The following KLF12 variants were observed in gnomAD, a reference collection of about 807,000 sequenced individuals.
KLF12 encodes KLF transcription factor 12.
A neutral mutation model predicts 37.8 loss-of-function variants in KLF12; 9 were observed. That is an observed-to-expected ratio of 0.24 (90% confidence interval 0.14 to 0.42). The LOEUF (loss-of-function observed/expected upper bound fraction) is 0.42, where lower values mean the gene tolerates loss of function less well. Among genes scored for constraint, KLF12 ranks in the 10% least tolerant of loss-of-function variants. KLF12 has a pLI of 1.00. For synonymous variants in KLF12, 208 were observed against 202.1 expected (o/e 1.03, Z -0.25); for missense variants, 411 against 516.0 (o/e 0.80, Z 1.97).
chr13:74,170,538 C>G, the KLF12 span, among the ~76,000 whole-genome samples: 1 of 152,198 alleles, frequency 6.6e-6, no homozygotes, highest in Non-Finnish European at 1.5e-5. Context: ...CATTCCCTGG[C>G]TTCTAGGAAC....
chr13:74,275,803 TTTCCTTC>T, the KLF12 span, among the ~76,000 whole-genome samples: 5 of 86,324 alleles, frequency 5.8e-5, no homozygotes, highest in Admixed American at 5.9e-4. Context: ...TCTTTCTTTC[TTTCCTTC>T]TTTCTTTCTT....
intron 1 of KLF12, among the ~76,000 whole-genome samples, chr13:74,053,896 T>G (rs756049815): frequency 6.6e-6 from 1 of 152,182 alleles, no homozygotes; most frequent in Admixed American, 6.5e-5. Flanking sequence ...TAGAGACACA[T>G]AGTCATTAAA....
the KLF12 span, among the ~76,000 whole-genome samples, chr13:74,181,089 C>T: frequency 1.3e-5 from 2 of 152,130 alleles, no homozygotes; most frequent in Admixed American, 6.5e-5. Context: ...ACCTCCCTCT[C>T]CCAGGTTCAA....
intron 3 of KLF12, among the ~76,000 whole-genome samples, chr13:73,858,311 T>A (rs1381460685): frequency 2.6e-5 from 4 of 152,218 alleles, no homozygotes. Context: ...GTCACTAGTA[T>A]AAGTTTTAGA....
chr13:74,192,129 G>A, the KLF12 span, among the ~76,000 whole-genome samples: 1 of 151,958 alleles, frequency 6.6e-6, no homozygotes, highest in African/African-American at 2.4e-5. Context: ...CCAGAGAGCA[G>A]AAGAACCAAT....
chr13:73,839,980 C>T (rs1884654424), intron 4 of KLF12, among the ~76,000 whole-genome samples: 1 of 152,114 alleles, frequency 6.6e-6, no homozygotes, highest in Non-Finnish European at 1.5e-5. Flanking sequence ...TAAAGCAAAA[C>T]TACTCCAAAG....
intron 2 of KLF12, among the ~76,000 whole-genome samples, chr13:73,970,570 G>A (rs1053051982): frequency 1.3e-5 from 2 of 152,128 alleles, no homozygotes; most frequent in Non-Finnish European, 2.9e-5. Flanking sequence ...ATGCTTCCAG[G>A]TTGGCGGGGC....
At chr13:73,772,919 G>A (rs148267352) in intron 5 of KLF12, among the ~76,000 whole-genome samples, 120 of 152,238 alleles carry the variant, frequency 7.9e-4, no homozygotes, top group African/African-American at 2.7e-3. Context: ...CAGATTAGGC[G>A]TATCTGCAGG....
intron 4 of KLF12, among the ~76,000 whole-genome samples, chr13:73,816,365 C>A (rs112286212): frequency 0.028 from 4,292 of 152,234 alleles, 88 homozygotes; most frequent in African/African-American, 0.044. Flanking sequence ...TCTATAAACA[C>A]CTGAAAAAAA....
At chr13:73,748,368 T>G (rs1878512674) in intron 6 of KLF12, among the ~76,000 whole-genome samples, 1 of 152,164 alleles carries the variant, frequency 6.6e-6, no homozygotes, top group South Asian at 2.1e-4. Context: ...CCCCCAAAAT[T>G]CACACGTTGA....
chr13:73,978,724 T>C (rs755070294), intron 2 of KLF12, among the ~76,000 whole-genome samples: 4 of 152,158 alleles, frequency 2.6e-5, no homozygotes, highest in Non-Finnish European at 5.9e-5. Context: ...TGCATACCGA[T>C]GTTAATAGCA....
At chr13:73,862,295 A>G (rs1024682624) in intron 3 of KLF12, among the ~76,000 whole-genome samples, 2 of 152,198 alleles carry the variant, frequency 1.3e-5, no homozygotes, top group African/African-American at 4.8e-5. Context: ...CATACATTAC[A>G]GTGTATTGTT....
intron 1 of KLF12, among the ~76,000 whole-genome samples, chr13:74,014,218 A>G (rs763923324): frequency 2.0e-5 from 3 of 152,234 alleles, no homozygotes; most frequent in Non-Finnish European, 4.4e-5. Context: ...GCCCTGGAAC[A>G]CTGTATTTCA....
At chr13:73,766,593 T>A (rs1235193329) in intron 5 of KLF12, among the ~76,000 whole-genome samples, 1 of 152,210 alleles carries the variant, frequency 6.6e-6, no homozygotes. Context: ...GAACTTTCCC[T>A]ATACCCTCAC....
chr13:74,250,718 GT>G, the KLF12 span, among the ~76,000 whole-genome samples: 31 of 152,162 alleles, frequency 2.0e-4, no homozygotes, highest in African/African-American at 6.0e-4. Context: ...GATCAAGGCT[GT>G]TTAGGAAGAT....
intron 3 of KLF12, among the ~76,000 whole-genome samples, chr13:73,855,130 A>G (rs1885537705): frequency 6.6e-6 from 1 of 152,180 alleles, no homozygotes; most frequent in Admixed American, 6.5e-5. Context: ...ATCACAGAGT[A>G]TATGTGCTGG....
chr13:73,864,087 T>C (rs1886059833), intron 3 of KLF12, among the ~76,000 whole-genome samples: 1 of 152,146 alleles, frequency 6.6e-6, no homozygotes. Context: ...CATAACATTA[T>C]AGGGTAAGAT....
At chr13:73,711,571 T>G (rs1205681619) in intron 7 of KLF12, among the ~76,000 whole-genome samples, 1 of 152,194 alleles carries the variant, frequency 6.6e-6, no homozygotes. Flanking sequence ...TTTTACAGCA[T>G]GGTTTACTGA....
chr13:73,951,268 G>A (rs187913932), intron 2 of KLF12, among the ~76,000 whole-genome samples: 122 of 152,238 alleles, frequency 8.0e-4, no homozygotes, highest in African/African-American at 2.8e-3. Flanking sequence ...CACTGTTCCA[G>A]TTATTTATGA....
Sources: allele counts gnomAD v4.1 joint callset (sites outside exome capture counted in the v4.1 genomes callset), GRCh38; gene constraint gnomAD v4.1.1; transcripts MANE v1.5; gene names NCBI Gene and HGNC (gene_info 2026-07-23, HGNC 2026-07-21).